Variants in PRIM2 observed in about 807,000 individuals in gnomAD.
PRIM2 encodes DNA primase subunit 2, also known as DNA primase large subunit.
PRIM2 carries 39 observed loss-of-function variants against 67.3 expected under a neutral mutation model. The ratio of observed to expected loss-of-function variants is 0.58; its 90% CI spans 0.45 to 0.76. The LOEUF (loss-of-function observed/expected upper bound fraction) is 0.76, where lower values mean the gene tolerates loss of function less well. Among genes scored for constraint, PRIM2 ranks in the 30% least tolerant of loss-of-function variants. The pLI, the probability that PRIM2 is intolerant of heterozygous loss-of-function variation, is 0.00. For missense variants in PRIM2, 398 were observed against 598.7 expected, an observed-to-expected ratio of 0.66 and a Z score of 3.50; for synonymous variants, 143 against 198.7, an observed-to-expected ratio of 0.72 and a Z score of 2.36.
the PRIM2 span, among the ~76,000 whole-genome samples, chr6:57,266,321 G>A: frequency 9.2e-5 from 14 of 152,106 alleles, no homozygotes; most frequent in African/African-American, 3.4e-4. Context: ...GATTTTTGGT[G>A]CAAATATCAT....
At chr6:57,403,340 T>C (rs1402599638) in intron 7 of PRIM2, among the ~76,000 whole-genome samples, 2 of 148,268 alleles carry the variant, frequency 1.3e-5, no homozygotes, top group Non-Finnish European at 3.0e-5. Context: ...CACTGCAAGC[T>C]CTGCCTCCCG....
intron 5 of PRIM2, among the ~76,000 whole-genome samples, chr6:57,331,251 A>G (rs897087764): frequency 3.9e-5 from 6 of 152,052 alleles, no homozygotes; most frequent in Middle Eastern, 3.4e-3. Flanking sequence ...CAACCTTGCA[A>G]TCCTGGAATA....
chr6:57,443,027 T>G (rs1436114796), intron 7 of PRIM2, among the ~76,000 whole-genome samples: 2 of 152,224 alleles, frequency 1.3e-5, no homozygotes, highest in African/African-American at 4.8e-5. Context: ...ATGACTTTTT[T>G]TCACTTATCA....
chr6:57,591,738 C>A (rs2127488648), intron 10 of PRIM2, among the ~76,000 whole-genome samples: 1 of 152,262 alleles, frequency 6.6e-6, no homozygotes, highest in East Asian at 1.9e-4. Flanking sequence ...CAAATCAGTT[C>A]AGCCCCTGAG....
chr6:57,455,041 G>T (rs1183597049), intron 7 of PRIM2, among the ~76,000 whole-genome samples: 1 of 151,968 alleles, frequency 6.6e-6, no homozygotes, highest in African/African-American at 2.4e-5. Context: ...ATTTCATTAT[G>T]TACCCAGTAG....
chr6:57,273,750 TTTTGGTTTTATCTACC>T, the PRIM2 span, among the ~76,000 whole-genome samples: 1 of 152,162 alleles, frequency 6.6e-6, no homozygotes, highest in Non-Finnish European at 1.5e-5. Flanking sequence ...TTCCCCATCT[TTTTGGTTTTATCTACC>T]TTTGGTCTTT....
intron 7 of PRIM2, among the ~76,000 whole-genome samples, chr6:57,505,933 T>G (rs1420756011): frequency 3.3e-5 from 5 of 152,086 alleles, no homozygotes; most frequent in Non-Finnish European, 7.4e-5. Flanking sequence ...TTAAATCGTT[T>G]TAGAACACAG....
rs369616207 is a variant in PRIM2, at chr6:57,454,495, C to T, written c.694-52892C>T. Among the ~76,000 whole-genome samples the T allele has an allele frequency of 2.6e-5, 4 of 152,286 alleles. No individual in the cohort carries two copies. In the South Asian group the frequency reaches 8.3e-4, roughly 32 times the overall value. ...GTTATTGGTCTATTCAGAGATTCAA[C>T]TTCTTACTGGTTTAGACTTGGGAGA... On this transcript the variant is annotated intron_variant, in intron 7 of 13. Coordinates refer to ENST00000615550, the MANE Select transcript of PRIM2 (RefSeq NM_000947.5).
chr6:57,312,499 G>A (rs887544), upstream of PRIM2, among the ~76,000 whole-genome samples: 79,255 of 151,348 alleles, frequency 0.52, 22,376 homozygotes, highest in African/African-American at 0.74. Context: ...ACCCTGTCTT[G>A]AAAAAACAAA....
intron 10 of PRIM2, among the ~76,000 whole-genome samples, chr6:57,539,651 TG>T (rs1775099586): frequency 1.5e-3 from 75 of 51,102 alleles, no homozygotes; most frequent in African/African-American, 7.7e-3. Context: ...TGTGTGTGTG[TG>T]TGTGTATATA....
chr6:57,626,024 G>C (rs1434500647), intron 12 of PRIM2, among the ~76,000 whole-genome samples: 2 of 152,232 alleles, frequency 1.3e-5, no homozygotes, highest in African/African-American at 4.8e-5. Flanking sequence ...AGTTTTGAAA[G>C]ATTGAGTTTT....
rs1012957904 is a variant in PRIM2 at position 57,320,078 on chromosome 6, C to T, written c.155-379C>T. ...AAGGGATGCTTTTTTTCTGTTGAAT[C>T]TATGCCAAGTAAATGATGCCTACTG... On this transcript the variant is annotated intron_variant, in intron 2 of 13. Transcript: ENST00000615550. Among the ~76,000 whole-genome samples, 15 of 152,282 alleles carry T rather than the reference C, an allele frequency of 9.9e-5. No homozygotes were observed. In the South Asian group the frequency reaches 1.0e-3, roughly 11 times the overall value.
intron 7 of PRIM2, among the ~76,000 whole-genome samples, chr6:57,457,085 A>G (rs112005651): frequency 6.6e-6 from 1 of 152,212 alleles, no homozygotes; most frequent in African/African-American, 2.4e-5. Flanking sequence ...TATCAGCAGC[A>G]GAAGCTGCAG....
intron 10 of PRIM2, among the ~76,000 whole-genome samples, chr6:57,587,398 C>T (rs1776210187): frequency 6.6e-6 from 1 of 152,096 alleles, no homozygotes; most frequent in East Asian, 1.9e-4. Context: ...AGAGCGGTGG[C>T]TCATGCCTGT....
At chr6:57,274,095 G>T in the PRIM2 span, among the ~76,000 whole-genome samples, 1 of 152,234 alleles carries the variant, frequency 6.6e-6, no homozygotes, top group Non-Finnish European at 1.5e-5. Flanking sequence ...TGAGGAGGCA[G>T]TCTGCCCGTT....
At chr6:57,274,804 T>C in the PRIM2 span, among the ~76,000 whole-genome samples, 9 of 152,074 alleles carry the variant, frequency 5.9e-5, no homozygotes, top group African/African-American at 2.2e-4. Context: ...TGAGACAGAG[T>C]CTTCCTCTAT....
At chr6:57,594,257 C>G in intron 10 of PRIM2, among the ~76,000 whole-genome samples, 1 of 152,266 alleles carries the variant, frequency 6.6e-6, no homozygotes, top group Middle Eastern at 3.4e-3. Context: ...GTTGTGAAGA[C>G]ATAAACTACT....
At chr6:57,268,931 A>G in the PRIM2 span, among the ~76,000 whole-genome samples, 41 of 151,206 alleles carry the variant, frequency 2.7e-4, no homozygotes, top group Non-Finnish European at 5.0e-4. Flanking sequence ...ATAATTTCCA[A>G]TTTCATCCAT....
intron 8 of PRIM2, among the ~76,000 whole-genome samples, chr6:57,516,742 T>C (rs1381773717): frequency 6.6e-6 from 1 of 152,160 alleles, no homozygotes; most frequent in African/African-American, 2.4e-5. Flanking sequence ...GTTTGTTTTA[T>C]GTATTGTTTA....
Sources: gnomAD v4.1 joint callset for allele counts (sites outside exome capture counted in the v4.1 genomes callset) on GRCh38, gnomAD v4.1.1 for gene constraint, MANE v1.5 for transcripts, NCBI Gene and HGNC (gene_info 2026-07-23, HGNC 2026-07-21) for gene names.